PKHD1L1: variants seen among roughly 807,000 people sequenced by gnomAD.
PKHD1L1 encodes fibrocystin-L.
PKHD1L1 carries 434 observed loss-of-function variants against 462.9 expected under a neutral mutation model. That is an observed-to-expected ratio of 0.94 (90% CI 0.87 to 1.02). The LOEUF (loss-of-function observed/expected upper bound fraction) is 1.02. Among genes scored for constraint, PKHD1L1 ranks in the 50% least tolerant of loss-of-function variants. PKHD1L1 has a pLI of 0.00. For missense variants in PKHD1L1, 5,202 were observed against 5,096.1 expected, an observed-to-expected ratio of 1.02 and a Z score of -0.63; for synonymous variants, 1,781 against 1,750.0, an observed-to-expected ratio of 1.02 and a Z score of -0.44.
At position 109,483,028 on chromosome 8, in the gene PKHD1L1, A is replaced by G. The variant is rs949397092; in HGVS notation, c.9499A>G (p.Ile3167Val). 6 of 1,598,870 alleles carry G rather than the reference A, an allele frequency of 3.8e-6. No individual in the cohort carries two copies. Among genetic ancestry groups the G allele is most frequent in the South Asian group, 1.1e-5 (1 of 88,886 alleles). Residue 3167 changes from isoleucine to valine, a missense_variant, in exon 57 of 78, where the codon ATA becomes GTA. Physicochemically the swap from Ile to Val is conservative, Grantham distance 29. Transcript: ENST00000378402. ...GGATCTTCATGGAATTCCACATTCAATATATAAAACTAAGCTCTCAGAAAC... is the reference window on the plus strand; with the variant it reads ...GGATCTTCATGGAATTCCACATTCAGTATATAAAACTAAGCTCTCAGAAAC... ...ELDLHGIPHS[I>V]YKTKLSETAF...
intron 32 of PKHD1L1, among the ~76,000 whole-genome samples, chr8:109,440,416 G>A (rs1430673341): frequency 6.6e-6 from 1 of 151,938 alleles, no homozygotes; most frequent in Admixed American, 6.6e-5. Flanking sequence ...TGTATTTCTT[G>A]TGACCTCAGT....
chr8:109,438,905 A>T lies in PKHD1L1; in HGVS notation c.3769A>T (p.Asn1257Tyr). Residue 1257 changes from asparagine (N) to tyrosine (Y), a missense_variant, in exon 32 of 78, where the codon AAT becomes TAT. Asn to Tyr is a moderately radical substitution (Grantham distance 143). This residue lies in a region of PKHD1L1 where 4,497 missense variants were observed against 4,336.8 expected (regional missense o/e 1.04). Transcript: ENST00000378402. ...PKVRTILGEV[N>Y]LTIKGYNFGN... ...AAATTTTAAAATACCAGGAGAAGTTAATTTAACAATTAAGGGCTATAATTT... is the reference window on the plus strand; with the variant it reads ...AAATTTTAAAATACCAGGAGAAGTTTATTTAACAATTAAGGGCTATAATTT... The T allele has an allele frequency of 3.1e-6, 5 of 1,598,214 alleles. No homozygotes were observed. The South Asian group carries it at 4.5e-5, about 15-fold the overall frequency.
At chr8:109,392,288 A>G (rs1812747505) in intron 9 of PKHD1L1, among the ~76,000 whole-genome samples, 1 of 152,216 alleles carries the variant, frequency 6.6e-6, no homozygotes, top group Non-Finnish European at 1.5e-5. Flanking sequence ...CAAATCCATC[A>G]TATGTCTCTC....
intron 77 of PKHD1L1, among the ~76,000 whole-genome samples, chr8:109,529,501 A>C (rs1398668577): frequency 1.3e-5 from 2 of 152,168 alleles, no homozygotes; most frequent in Non-Finnish European, 2.9e-5. Flanking sequence ...ATATTTGTGC[A>C]TTTTGCATTG....
chr8:109,443,417 A>C (rs111261448), intron 36 of PKHD1L1, among the ~76,000 whole-genome samples: 2,346 of 152,252 alleles, frequency 0.015, 62 homozygotes, highest in African/African-American at 0.047. Context: ...TGACGTTGTT[A>C]TTTTCCCCAT....
chr8:109,442,582 T>C (rs1030164853), intron 35 of PKHD1L1, among the ~76,000 whole-genome samples: 5 of 152,204 alleles, frequency 3.3e-5, no homozygotes, highest in African/African-American at 1.2e-4. Context: ...GTGTAAAATG[T>C]GCCTTTTAGA....
chr8:109,525,323 G>A (rs1820763909), intron 76 of PKHD1L1, among the ~76,000 whole-genome samples: 1 of 152,212 alleles, frequency 6.6e-6, no homozygotes, highest in African/African-American at 2.4e-5. Flanking sequence ...TAGATAAGGA[G>A]AATATTACTA....
chr8:109,476,438 G>A, intron 51 of PKHD1L1, 70 bp from the exon 52 acceptor site: 1 of 1,055,580 alleles, frequency 9.5e-7, no homozygotes. Context: ...CTAATTATAT[G>A]TCATTAAAAT....
intron 76 of PKHD1L1, among the ~76,000 whole-genome samples, chr8:109,523,996 C>T (rs1372087299): frequency 6.6e-6 from 1 of 152,132 alleles, no homozygotes; most frequent in Non-Finnish European, 1.5e-5. Context: ...ATCACTGCCA[C>T]AATTACTTTT....
At chr8:109,462,028 T>C in intron 48 of PKHD1L1, 120 bp downstream of exon 48, 1 of 1,221,846 alleles carries the variant, frequency 8.2e-7, no homozygotes, top group Admixed American at 3.1e-5. Context: ...GACAGATACA[T>C]AAGTAAACAA....
At chr8:109,385,409 TA>T (rs1563726137) in intron 5 of PKHD1L1, 127 bp from the exon 6 acceptor site, 65 of 552,900 alleles carry the variant, frequency 1.2e-4, no homozygotes. Flanking sequence ...TGCTAAACAA[TA>T]GTGGCAAACA....
intron 50 of PKHD1L1, among the ~76,000 whole-genome samples, chr8:109,474,382 A>G (rs1275138773): frequency 1.3e-5 from 2 of 152,166 alleles, no homozygotes; most frequent in African/African-American, 2.4e-5. Flanking sequence ...CAAATCTTCT[A>G]TTAAAGCTAT....
chr8:109,364,576 G>A lies in PKHD1L1; in HGVS notation c.103G>A (p.Glu35Lys). 6.3e-7 allele frequency: 1 copy of A among 1,593,510 alleles called. No individual in the cohort carries two copies. Among genetic ancestry groups the A allele is most frequent in the Non-Finnish European group, 8.6e-7 (1 of 1,166,790 alleles). ...DGSQIIPKVT[E>K]IIPKYGSING... is the part of the protein sequence containing the mutation. ...CTCTCAAATAATCCCCAAAGTCACA[G>A]AAATAATACCTAAATATGGCAGTAT... Residue 35 changes from glutamate to lysine, a missense_variant, in exon 2 of 78, where the codon GAA becomes AAA. Coordinates refer to ENST00000378402, the MANE Select transcript of PKHD1L1 (RefSeq NM_177531.6).
intron 9 of PKHD1L1, among the ~76,000 whole-genome samples, chr8:109,393,783 G>A (rs564266587): frequency 5.3e-5 from 8 of 152,272 alleles, no homozygotes; most frequent in Admixed American, 4.6e-4. Context: ...ACAAAAAGGA[G>A]GTTCTAAAAG....
chr8:109,450,813 G>A (rs1292047523), intron 40 of PKHD1L1, among the ~76,000 whole-genome samples, 162 bp from the exon 41 acceptor site: 2 of 152,144 alleles, frequency 1.3e-5, no homozygotes, highest in African/African-American at 4.8e-5. Flanking sequence ...AATGTTTTTG[G>A]CTATTGCTAG....
chr8:109,450,478 AT>A (rs1816425615), intron 40 of PKHD1L1, among the ~76,000 whole-genome samples: 1 of 149,948 alleles, frequency 6.7e-6, no homozygotes, highest in South Asian at 2.1e-4. Flanking sequence ...TGATTAAAAA[AT>A]ATATATATAT....
In PKHD1L1 at chr8:109,472,843, G is replaced by A. The variant is rs1209908502; in HGVS notation, c.8606-2275G>A. Among the ~76,000 whole-genome samples the A allele has an allele frequency of 2.6e-5, 4 of 152,204 alleles. No individual in the cohort carries two copies. In the East Asian group the frequency reaches 7.7e-4, roughly 29 times the overall value. ...TAACTTGTCCTGATTGTATATGTATGCTGAGTGAAACAAAAGTTTAAAAAG... is the reference window on the plus strand; with the variant it reads ...TAACTTGTCCTGATTGTATATGTATACTGAGTGAAACAAAAGTTTAAAAAG... On this transcript the variant is annotated intron_variant, in intron 50 of 77. Transcript: ENST00000378402.
intron 19 of PKHD1L1, among the ~76,000 whole-genome samples, chr8:109,410,960 C>A (rs1274116723): frequency 6.6e-6 from 1 of 151,688 alleles, no homozygotes; most frequent in Non-Finnish European, 1.5e-5. Context: ...ATCTCTTGAC[C>A]TCGTGATCCG....
intron 17 of PKHD1L1, among the ~76,000 whole-genome samples, chr8:109,407,114 G>A (rs1379217568): frequency 2.6e-5 from 4 of 151,938 alleles, no homozygotes; most frequent in Non-Finnish European, 5.9e-5. Flanking sequence ...TGGCTTTTTG[G>A]TATATTTAGC....
Sources: gnomAD v4.1 joint callset for allele counts (sites outside exome capture counted in the v4.1 genomes callset) on GRCh38, gnomAD v4.1.1 for gene constraint, gnomAD v4.1.1 regional missense constraint, MANE v1.5 for transcripts, NCBI Gene and HGNC (gene_info 2026-07-23, HGNC 2026-07-21) for gene names.